CASQ2: variants seen among roughly 807,000 people sequenced by gnomAD.
CASQ2 encodes calsequestrin-2.
Under a neutral mutation model 46.5 loss-of-function variants are expected in CASQ2, and 49 were observed. That is an observed-to-expected ratio of 1.05 (90% CI 0.84 to 1.34). The LOEUF (loss-of-function observed/expected upper bound fraction) is 1.34. CASQ2 is among the 40% of genes most tolerant of loss of function. The pLI is 0.00. For synonymous variants in CASQ2, 174 were observed against 168.5 expected, an observed-to-expected ratio of 1.03 and a Z score of -0.25; for missense variants, 486 against 481.3, an observed-to-expected ratio of 1.01 and a Z score of -0.09.
intron 1 of CASQ2, among the ~76,000 whole-genome samples, chr1:115,755,628 G>A (rs548423406): frequency 6.6e-6 from 1 of 152,330 alleles, no homozygotes; most frequent in Non-Finnish European, 1.5e-5. Context: ...GATAGCATCT[G>A]CTAATGACAG....
At chr1:115,716,860 T>C (rs1272197235) in intron 8 of CASQ2, among the ~76,000 whole-genome samples, 1 of 152,132 alleles carries the variant, frequency 6.6e-6, no homozygotes, top group Non-Finnish European at 1.5e-5. Context: ...ATTTAAGACA[T>C]GGTGAGATTA....
chr1:115,715,500 G>C lies in CASQ2; in HGVS notation c.838+2340C>G, dbSNP rs79812027. On this transcript the variant is annotated intron_variant, in intron 8 of 10. Coordinates refer to ENST00000261448, the MANE Select transcript of CASQ2 (RefSeq NM_001232.4). ...TGATTCCATTTATATGAAATGTCCAGAATAGGCAAATTTTAGAGATAGTAG... is the reference window on the plus strand; with the variant it reads ...TGATTCCATTTATATGAAATGTCCACAATAGGCAAATTTTAGAGATAGTAG... 5.5e-3 allele frequency among the ~76,000 whole-genome samples: 834 copies of C among 152,278 alleles called. 8 individuals are homozygous for C. The highest frequency in any genetic ancestry group is 0.019 in the African/African-American group (799 of 41,566).
intron 2 of CASQ2, among the ~76,000 whole-genome samples, chr1:115,744,076 A>G (rs1230096029): frequency 6.6e-6 from 1 of 151,428 alleles, no homozygotes; most frequent in Non-Finnish European, 1.5e-5. Context: ...TCCAGGAGGC[A>G]GAGGTTGCAG....
At chr1:115,765,242 C>T (rs1649091750) in intron 1 of CASQ2, among the ~76,000 whole-genome samples, 1 of 152,200 alleles carries the variant, frequency 6.6e-6, no homozygotes, top group East Asian at 1.9e-4. Flanking sequence ...CAGCATCTAT[C>T]CCAGGGCCCC....
Position 115,701,421 on chromosome 1 carries a change from G to A in CASQ2, c.1020C>T (p.Asp340=). 6.2e-7 allele frequency: 1 copy of A among 1,610,028 alleles called. No homozygotes were observed. The change falls in exon 11 of 11, where the codon GAC becomes GAT. Residue 340 remains aspartate (D), a synonymous_variant. Coordinates refer to ENST00000261448, the MANE Select transcript of CASQ2 (RefSeq NM_001232.4). ...CATCTGGAATCTCCATCCAGACACT[G>A]TCAGCCTGCAGTGAGGGACAAAATG... The part of the protein sequence containing the change: ...QIGVVNVTDA[D]SVWMEIPDDD...
At chr1:115,737,577 C>G (rs1436319725) in intron 4 of CASQ2, among the ~76,000 whole-genome samples, 1 of 152,176 alleles carries the variant, frequency 6.6e-6, no homozygotes, top group African/African-American at 2.4e-5. Flanking sequence ...AGTGCTTACT[C>G]CTCCTGGTCC....
chr1:115,701,325 A>G lies in CASQ2; in HGVS notation c.1116T>C (p.Thr372=). Residue 372 remains threonine, a synonymous_variant, in exon 11 of 11, where the codon ACT becomes ACC. Coordinates refer to ENST00000261448, the MANE Select transcript of CASQ2 (RefSeq NM_001232.4). ...IEDVLSGKIN[T]EDDDEDDDDD... Reference sequence around the variant, plus strand: ...CATCATCATCTTCATCATCATCTTCAGTGTTTATCTTTCCAGAAAGCACAT... The same window carrying G: ...CATCATCATCTTCATCATCATCTTCGGTGTTTATCTTTCCAGAAAGCACAT... The G allele has an allele frequency of 6.2e-7, 1 of 1,608,844 alleles. No homozygotes were observed. The highest frequency in any genetic ancestry group is 8.5e-7 in the Non-Finnish European group (1 of 1,175,288).
intron 1 of CASQ2, among the ~76,000 whole-genome samples, chr1:115,750,474 G>A (rs2101108123): frequency 1.3e-5 from 2 of 152,188 alleles, no homozygotes; most frequent in East Asian, 3.9e-4. Flanking sequence ...GTACAAAAAA[G>A]TGTTTTTTAA....
chr1:115,724,638 A>G (rs1301647660), intron 7 of CASQ2, among the ~76,000 whole-genome samples: 1 of 152,220 alleles, frequency 6.6e-6, no homozygotes, highest in Non-Finnish European at 1.5e-5. Flanking sequence ...ACACTGTTTG[A>G]GCTGCCTGAC....
At chr1:115,711,884 A>T (rs958030663) in intron 8 of CASQ2, among the ~76,000 whole-genome samples, 1 of 151,668 alleles carries the variant, frequency 6.6e-6, no homozygotes, top group Non-Finnish European at 1.5e-5. Context: ...CGAACTCCTG[A>T]CCTTGTGATT....
intron 6 of CASQ2, 77 bp from the exon 7 acceptor site, chr1:115,725,630 G>A: frequency 2.6e-6 from 4 of 1,525,494 alleles, no homozygotes; most frequent in Non-Finnish European, 3.5e-6. Context: ...AGCAGCCACA[G>A]CATTATGAAA....
At chr1:115,705,759 C>G (rs558460182) in intron 8 of CASQ2, among the ~76,000 whole-genome samples, 9 of 152,286 alleles carry the variant, frequency 5.9e-5, no homozygotes, top group Non-Finnish European at 1.3e-4. Flanking sequence ...TCAAACCAAA[C>G]GAGCTTCTGA....
chr1:115,717,936 G>A, intron 7 of CASQ2, 42 bp from the exon 8 acceptor site: 1 of 1,352,572 alleles, frequency 7.4e-7, no homozygotes, highest in South Asian at 1.2e-5. Flanking sequence ...CCAGCTGGAG[G>A]GATGCAAAGG....
intron 2 of CASQ2, among the ~76,000 whole-genome samples, chr1:115,741,614 T>C (rs965342531): frequency 2.0e-5 from 3 of 152,196 alleles, no homozygotes; most frequent in African/African-American, 7.2e-5. Flanking sequence ...GTGGCCAGGA[T>C]GGACAGCTTG....
intron 1 of CASQ2, 71 bp downstream of exon 1, chr1:115,768,237 A>C: frequency 1.0e-6 from 1 of 995,828 alleles, no homozygotes; most frequent in Admixed American, 1.7e-5. Context: ...CCATATCCCA[A>C]CCCCTGGCCA....
chr1:115,703,185 A>G (rs1018719705), intron 9 of CASQ2, among the ~76,000 whole-genome samples, 190 bp from the exon 10 acceptor site: 1 of 152,254 alleles, frequency 6.6e-6, no homozygotes, highest in African/African-American at 2.4e-5. Flanking sequence ...ATAAAAGATG[A>G]CACAGCATAA....
intron 8 of CASQ2, among the ~76,000 whole-genome samples, chr1:115,715,053 A>T (rs1654656459): frequency 6.6e-6 from 1 of 152,248 alleles, no homozygotes; most frequent in Non-Finnish European, 1.5e-5. Context: ...CAATCCTGGA[A>T]GGTGGCAGGT....
intron 7 of CASQ2, among the ~76,000 whole-genome samples, chr1:115,724,953 T>C (rs1265646387): frequency 6.6e-6 from 1 of 152,240 alleles, no homozygotes; most frequent in Non-Finnish European, 1.5e-5. Context: ...CTATAGTCAC[T>C]GCAGGAAATT....
At chr1:115,760,821 G>A (rs930909229) in intron 1 of CASQ2, among the ~76,000 whole-genome samples, 1 of 152,148 alleles carries the variant, frequency 6.6e-6, no homozygotes, top group Non-Finnish European at 1.5e-5. Context: ...GACTAGTGAA[G>A]AAAATTCACA....
Sources: allele counts gnomAD v4.1 joint callset (sites outside exome capture counted in the v4.1 genomes callset), GRCh38; gene constraint gnomAD v4.1.1; transcripts MANE v1.5; gene names NCBI Gene and HGNC (gene_info 2026-07-23, HGNC 2026-07-21).